Variants in PHF21B observed in about 807,000 individuals in gnomAD.
PHF21B encodes the protein PHD finger protein 21B, also known as PHD finger protein 4.
In PHF21B, 22 loss-of-function variants were observed where a neutral mutation model predicts 62.2. The observed-to-expected ratio is 0.35, with a 90% CI of 0.25 to 0.51. The LOEUF (loss-of-function observed/expected upper bound fraction) is 0.51, where lower values mean the gene tolerates loss of function less well. Ranked by LOEUF, PHF21B falls within the 20% of genes least tolerant of loss-of-function variation. The probability of loss-of-function intolerance (pLI) is 0.97; values close to 1 mark genes in which losing one functional copy is unlikely to be tolerated. For missense variants in PHF21B, 701 were observed against 707.9 expected (o/e 0.99, Z 0.11); for synonymous variants, 341 against 314.7 (o/e 1.08, Z -0.88).
intron 2 of PHF21B, among the ~76,000 whole-genome samples, chr22:44,966,596 G>GTCCC (rs1303163087): frequency 6.6e-6 from 1 of 152,126 alleles, no homozygotes; most frequent in Non-Finnish European, 1.5e-5. Flanking sequence ...GGAGCCAGAA[G>GTCCC]TCCCCCCTTC....
chr22:44,942,921 GAAGA>G (rs1409425264), intron 2 of PHF21B, among the ~76,000 whole-genome samples: 1 of 151,968 alleles, frequency 6.6e-6, no homozygotes, highest in African/African-American at 2.4e-5. Flanking sequence ...GTGACTCAGT[GAAGA>G]AAGGGGGATT....
At chr22:44,904,508 T>TTTCCC (rs1474200694) in intron 5 of PHF21B, among the ~76,000 whole-genome samples, 4 of 93,590 alleles carry the variant, frequency 4.3e-5, no homozygotes, top group African/African-American at 8.0e-5. Flanking sequence ...TTAACTGAGC[T>TTTCCC]TCCAGAAGGA....
At chr22:44,902,979 G>A (rs1184337834) in intron 5 of PHF21B, among the ~76,000 whole-genome samples, 2 of 152,104 alleles carry the variant, frequency 1.3e-5, no homozygotes, top group Non-Finnish European at 2.9e-5. Context: ...TTCATTCTTC[G>A]TCCCTCAGTG....
intron 2 of PHF21B, among the ~76,000 whole-genome samples, chr22:44,987,256 T>C (rs1221962918): frequency 2.0e-5 from 3 of 151,802 alleles, no homozygotes; most frequent in Admixed American, 6.6e-5. Flanking sequence ...AATGAAAACA[T>C]TGGCATGGAG....
intron 3 of PHF21B, among the ~76,000 whole-genome samples, chr22:44,919,995 C>A (rs542617889): frequency 3.9e-5 from 6 of 152,316 alleles, no homozygotes; most frequent in African/African-American, 9.6e-5. Context: ...TGAAATGAAT[C>A]CCCTCGTCCA....
chr22:44,963,111 G>C (rs973005576), intron 2 of PHF21B, among the ~76,000 whole-genome samples: 10 of 152,354 alleles, frequency 6.6e-5, no homozygotes, highest in Non-Finnish European at 1.5e-4. Context: ...ACAGAATCAA[G>C]ATCTCAGCTT....
At chr22:44,951,250 A>G (rs755388013) in intron 2 of PHF21B, among the ~76,000 whole-genome samples, 2 of 152,194 alleles carry the variant, frequency 1.3e-5, no homozygotes, top group Admixed American at 6.5e-5. Flanking sequence ...TCCACCGCAG[A>G]TCATCGGGCA....
chr22:44,884,155 CTGTGAT>C (rs1237457271), intron 12 of PHF21B, among the ~76,000 whole-genome samples: 2 of 149,956 alleles, frequency 1.3e-5, no homozygotes, highest in Admixed American at 6.7e-5. Flanking sequence ...ACCACCATCA[CTGTGAT>C]CAGCACCATC....
At chr22:45,008,657 G>A (rs1307137990) in intron 1 of PHF21B, 47 bp from the exon 2 acceptor site, 1 of 1,523,504 alleles carries the variant, frequency 6.6e-7, no homozygotes. Context: ...CCCGGGGTCA[G>A]GTGCACCCCA....
chr22:44,935,058 A>C lies in PHF21B; in HGVS notation c.121-14568T>G, dbSNP rs370806151. On this transcript the variant is annotated intron_variant, in intron 2 of 12. Coordinates refer to ENST00000313237, the MANE Select transcript of PHF21B (RefSeq NM_138415.5). ...TGTGGCTGGTTAAACACACACGCTC[A>C]TGCAGTATATTCACTTTCATCAAGA... Among the ~76,000 whole-genome samples, 15 of 152,280 alleles carry C rather than the reference A, an allele frequency of 9.9e-5. No individual in the cohort carries two copies. In the East Asian group the frequency reaches 1.7e-3, roughly 18 times the overall value.
chr22:44,934,433 A>T (rs529166585), intron 2 of PHF21B, among the ~76,000 whole-genome samples: 1 of 152,302 alleles, frequency 6.6e-6, no homozygotes, highest in South Asian at 2.1e-4. Context: ...CACGAGCAGG[A>T]GTTTTTTTCA....
intron 11 of PHF21B, 24 bp from the exon 12 acceptor site, chr22:44,885,553 C>A (rs1163464643): frequency 6.4e-7 from 1 of 1,564,082 alleles, no homozygotes. Context: ...GGCCAGGTCC[C>A]TGGAGAGGGG....
intron 2 of PHF21B, among the ~76,000 whole-genome samples, chr22:44,936,437 C>T (rs906114837): frequency 1.3e-5 from 2 of 152,202 alleles, no homozygotes; most frequent in Admixed American, 1.3e-4. Context: ...CGCCTCCTGT[C>T]CCCAGCCCCT....
intron 5 of PHF21B, among the ~76,000 whole-genome samples, chr22:44,901,136 C>G (rs1030561939): frequency 6.6e-6 from 1 of 152,188 alleles, no homozygotes; most frequent in African/African-American, 2.4e-5. Flanking sequence ...TCCAGCAGCT[C>G]GGCCAATCAG....
intron 2 of PHF21B, among the ~76,000 whole-genome samples, chr22:44,927,107 A>G (rs2071647421): frequency 6.6e-6 from 1 of 151,976 alleles, no homozygotes; most frequent in Admixed American, 6.5e-5. Context: ...AAGGAGAGGG[A>G]CGGATGGAGG....
chr22:44,985,561 G>A (rs376296139), intron 2 of PHF21B, among the ~76,000 whole-genome samples: 2 of 151,286 alleles, frequency 1.3e-5, no homozygotes, highest in Non-Finnish European at 2.9e-5. Context: ...TTGCATCACC[G>A]AGCTCCACCC....
intron 2 of PHF21B, among the ~76,000 whole-genome samples, chr22:44,920,904 C>A (rs1037408958): frequency 3.9e-5 from 6 of 152,222 alleles, no homozygotes; most frequent in African/African-American, 1.4e-4. Context: ...TCAGACAATC[C>A]TCTACTCTTG....
At chr22:44,914,630 A>C (rs2071403102) in intron 4 of PHF21B, among the ~76,000 whole-genome samples, 1 of 152,222 alleles carries the variant, frequency 6.6e-6, no homozygotes, top group Admixed American at 6.5e-5. Flanking sequence ...CCTGAGACAC[A>C]CAACCCTGGC....
chr22:44,943,854 T>A lies in PHF21B; in HGVS notation c.121-23364A>T, dbSNP rs189386337. On this transcript the variant is annotated intron_variant, in intron 2 of 12. Transcript: ENST00000313237. ...TCGTGGGGCACCGGGAAAAGCCACCTGCAGCATTCCAGGCCCGGCTTCCGA... is the reference window on the plus strand; with the variant it reads ...TCGTGGGGCACCGGGAAAAGCCACCAGCAGCATTCCAGGCCCGGCTTCCGA... 3.7e-3 allele frequency among the ~76,000 whole-genome samples: 571 copies of A among 152,294 alleles called. 3 individuals carry two copies. The highest frequency in any genetic ancestry group is 0.013 in the African/African-American group (546 of 41,560).
Sources: gnomAD v4.1 joint callset for allele counts (sites outside exome capture counted in the v4.1 genomes callset) on GRCh38, gnomAD v4.1.1 for gene constraint, MANE v1.5 for transcripts, NCBI Gene and HGNC (gene_info 2026-07-23, HGNC 2026-07-21) for gene names.